SCTR: variants seen among roughly 807,000 people sequenced by gnomAD.
SCTR encodes the protein secretin receptor, also known as pancreatic secretin receptor.
Under a neutral mutation model 60.8 loss-of-function variants are expected in SCTR, and 56 were observed. The ratio of observed to expected loss-of-function variants is 0.92; its 90% CI spans 0.74 to 1.15. The LOEUF (loss-of-function observed/expected upper bound fraction) is 1.15, where lower values mean the gene tolerates loss of function less well. Among genes scored for constraint, SCTR ranks in the 50% most tolerant of loss-of-function variants. The probability of loss-of-function intolerance (pLI) is 0.00; values close to 1 mark genes in which losing one functional copy is unlikely to be tolerated. For synonymous variants in SCTR, 202 were observed against 217.0 expected (o/e 0.93, Z 0.61); for missense variants, 562 against 550.4 (o/e 1.02, Z -0.21).
chr2:119,498,550 A>G (rs1159870383), intron 1 of SCTR, among the ~76,000 whole-genome samples: 2 of 152,138 alleles, frequency 1.3e-5, no homozygotes, highest in South Asian at 2.1e-4. Context: ...TTCTAAATGT[A>G]TATCAACTAC....
chr2:119,474,729 G>A (rs2104835113), intron 3 of SCTR, among the ~76,000 whole-genome samples: 1 of 152,328 alleles, frequency 6.6e-6, no homozygotes, highest in South Asian at 2.1e-4. Context: ...CCATTTTACA[G>A]GACAGAACAC....
intron 4 of SCTR, 81 bp from the exon 5 acceptor site, chr2:119,465,967 C>A (rs1053828978): frequency 4.2e-6 from 4 of 951,540 alleles, no homozygotes; most frequent in Non-Finnish European, 6.8e-6. Flanking sequence ...CCGCTTCAGG[C>A]AGCTTGAACC....
intron 1 of SCTR, among the ~76,000 whole-genome samples, chr2:119,506,959 A>G (rs1001868212): frequency 4.6e-5 from 7 of 152,214 alleles, no homozygotes; most frequent in African/African-American, 1.7e-4. Context: ...TCATGATTGT[A>G]ATCTTGTACT....
intron 7 of SCTR, among the ~76,000 whole-genome samples, chr2:119,460,324 C>T (rs1040829872): frequency 6.6e-6 from 1 of 152,074 alleles, no homozygotes; most frequent in Admixed American, 6.5e-5. Context: ...GAACCTGGCT[C>T]TCTGTCTAGA....
At chr2:119,465,650 C>A in intron 5 of SCTR, 139 bp downstream of exon 5, 1 of 630,366 alleles carries the variant, frequency 1.6e-6, no homozygotes, top group Non-Finnish European at 2.9e-6. Context: ...CGATGTTTTG[C>A]CATAGGTCAG....
At chr2:119,450,867 T>G (rs1683136959) in intron 9 of SCTR, among the ~76,000 whole-genome samples, 1 of 152,052 alleles carries the variant, frequency 6.6e-6, no homozygotes, top group African/African-American at 2.4e-5. Context: ...GAGGCTGATG[T>G]GAGAGGGTCA....
intron 1 of SCTR, among the ~76,000 whole-genome samples, chr2:119,517,959 AG>A (rs1177335826): frequency 1.3e-5 from 2 of 152,208 alleles, no homozygotes; most frequent in Non-Finnish European, 2.9e-5. Context: ...TTGTAGTAAT[AG>A]GGCCCTGATC....
chr2:119,449,638 C>T (rs1683068762), intron 9 of SCTR, among the ~76,000 whole-genome samples: 1 of 152,154 alleles, frequency 6.6e-6, no homozygotes, highest in Non-Finnish European at 1.5e-5. Context: ...CTCTCCCTCC[C>T]TCACACACCT....
intron 2 of SCTR, among the ~76,000 whole-genome samples, chr2:119,481,420 C>T (rs2104858273): frequency 6.6e-6 from 1 of 152,224 alleles, no homozygotes; most frequent in East Asian, 1.9e-4. Context: ...ATCTCTAGGC[C>T]CCAGATCCTC....
chr2:119,503,378 C>A (rs1481272542), intron 1 of SCTR, among the ~76,000 whole-genome samples: 1 of 151,898 alleles, frequency 6.6e-6, no homozygotes, highest in Non-Finnish European at 1.5e-5. Flanking sequence ...ACCAGCCTGG[C>A]AACACAGTGA....
rs1679393673 is a variant in SCTR at position 119,524,475 on chromosome 2, G to T, written c.-249C>A. 8.7e-6 allele frequency: 3 copies of T among 346,698 alleles called. No homozygotes were observed. Among genetic ancestry groups the T allele is most frequent in the Admixed American group, 4.8e-5 (1 of 20,866 alleles). The allele number at this position is 346,698 out of a possible 1,614,324, so 21.5% of individuals were successfully genotyped here. On this transcript the variant is annotated 5_prime_UTR_variant, in exon 1 of 13. Transcript: ENST00000019103. The stretch of plus-strand genomic sequence containing the variant: ...TTTGCCGGCGCGCCTCCTCCACCCG[G>T]CAGGGACTGGCGCGGGGTCGGCGCG...
chr2:119,449,861 C>A (rs373051094), intron 9 of SCTR, among the ~76,000 whole-genome samples: 222 of 151,684 alleles, frequency 1.5e-3, no homozygotes, highest in African/African-American at 5.0e-3. Flanking sequence ...TGCATGCTAT[C>A]AACTCATTAA....
chr2:119,497,241 G>C (rs1678383884), intron 1 of SCTR, among the ~76,000 whole-genome samples: 1 of 151,912 alleles, frequency 6.6e-6, no homozygotes, highest in Non-Finnish European at 1.5e-5. Flanking sequence ...CAGTCACTAG[G>C]CTCCTCCCCC....
chr2:119,467,364 C>A (rs1160773775), intron 4 of SCTR, among the ~76,000 whole-genome samples: 11 of 149,736 alleles, frequency 7.3e-5, no homozygotes, highest in Non-Finnish European at 1.6e-4. Flanking sequence ...GGGCTGGAGA[C>A]CCTGTCTCAA....
chr2:119,449,243 C>A (rs188246851), intron 9 of SCTR, among the ~76,000 whole-genome samples: 1 of 152,114 alleles, frequency 6.6e-6, no homozygotes. Flanking sequence ...GTAAGTCTGG[C>A]GTGGGGCCCA....
At chr2:119,482,791 G>A (rs922065271) in intron 2 of SCTR, among the ~76,000 whole-genome samples, 11 of 152,116 alleles carry the variant, frequency 7.2e-5, no homozygotes, top group African/African-American at 2.2e-4. Flanking sequence ...GACCCTTTAC[G>A]GACAGCCCAC....
At chr2:119,453,445 G>T in intron 7 of SCTR, 98 bp from the exon 8 acceptor site, 1 of 911,898 alleles carries the variant, frequency 1.1e-6, no homozygotes, top group South Asian at 1.4e-5. Flanking sequence ...CCCAGCTACT[G>T]AGCAGGTGCC....
intron 2 of SCTR, among the ~76,000 whole-genome samples, chr2:119,490,297 A>C (rs1162671555): frequency 2.0e-5 from 3 of 152,208 alleles, no homozygotes; most frequent in Non-Finnish European, 2.9e-5. Flanking sequence ...GCTAAAGCAC[A>C]TTTGCAGCAT....
At chr2:119,504,887 A>C (rs77025611) in intron 1 of SCTR, among the ~76,000 whole-genome samples, 408 of 152,322 alleles carry the variant, frequency 2.7e-3, no homozygotes, top group Middle Eastern at 0.01. Flanking sequence ...AGAAGCAAAA[A>C]TTCTAATTAG....
Sources: gnomAD v4.1 joint callset for allele counts (sites outside exome capture counted in the v4.1 genomes callset) on GRCh38, gnomAD v4.1.1 for gene constraint, MANE v1.5 for transcripts, NCBI Gene and HGNC (gene_info 2026-07-23, HGNC 2026-07-21) for gene names.